The following NTRK3 variants were observed in gnomAD, a reference collection of about 807,000 sequenced individuals.
The protein encoded by NTRK3 is NT-3 growth factor receptor.
Under a neutral mutation model 91.7 loss-of-function variants are expected in NTRK3, and 24 were observed. The ratio of observed to expected loss-of-function variants is 0.26; its 90% confidence interval spans 0.19 to 0.37. NTRK3 has a LOEUF of 0.37. Ranked by LOEUF, NTRK3 falls within the 10% of genes least tolerant of loss-of-function variation. The pLI is 1.00. For missense variants in NTRK3, 880 were observed against 1,068.9 expected (o/e 0.82, Z 2.46); for synonymous variants, 483 against 404.0 (o/e 1.20, Z -2.34).
At chr15:88,127,255 AC>A in intron 11 of NTRK3, 29 bp from the exon 12 acceptor site, 1 of 1,601,640 alleles carries the variant, frequency 6.2e-7, no homozygotes, top group Non-Finnish European at 8.6e-7. Context: ...AAGGAGGAGG[AC>A]AGTTAGCTTC....
rs114043514 is a variant in NTRK3, at chr15:87,961,242, T to C, written c.1586-20489A>G. On this transcript the variant is annotated intron_variant, in intron 14 of 18. Transcript: ENST00000394480. ...TTCCCTGTGCACAGCCATCTCCCTC[T>C]GAATCACAGACCAGGTTTGAATCCA... Among the ~76,000 whole-genome samples, 380 of 152,328 alleles carry C rather than the reference T, an allele frequency of 2.5e-3. 2 individuals are homozygous for C. Among genetic ancestry groups the C allele is most frequent in the Middle Eastern group, 0.01 (3 of 294 alleles).
chr15:87,889,814 G>A (rs1185732549), intron 17 of NTRK3, among the ~76,000 whole-genome samples: 2 of 152,064 alleles, frequency 1.3e-5, no homozygotes, highest in Admixed American at 6.6e-5. Context: ...ATACCATTCA[G>A]TGTCAAAAGT....
At chr15:88,121,885 T>G (rs2052747134) in intron 13 of NTRK3, among the ~76,000 whole-genome samples, 1 of 152,214 alleles carries the variant, frequency 6.6e-6, no homozygotes, top group African/African-American at 2.4e-5. Flanking sequence ...ACCTTTGTGA[T>G]TCCAAAAGAA....
chr15:87,916,522 G>A (rs188662012), intron 17 of NTRK3: 78 of 702,108 alleles, frequency 1.1e-4, no homozygotes, highest in African/African-American at 3.8e-4. Context: ...CATCTTCCCC[G>A]TCTTTTTTCC....
intron 17 of NTRK3, among the ~76,000 whole-genome samples, chr15:87,897,257 G>A (rs1276549813): frequency 6.6e-6 from 1 of 152,114 alleles, no homozygotes; most frequent in Non-Finnish European, 1.5e-5. Context: ...GAAGCCCCAG[G>A]AACACATGCC....
At chr15:88,133,218 C>A (rs1436892914) in intron 10 of NTRK3, among the ~76,000 whole-genome samples, 1 of 152,128 alleles carries the variant, frequency 6.6e-6, no homozygotes, top group Non-Finnish European at 1.5e-5. Context: ...TATCCAGAGA[C>A]TAACAGAAGG....
At chr15:88,207,837 A>G (rs1254053112) in intron 3 of NTRK3, among the ~76,000 whole-genome samples, 1 of 152,214 alleles carries the variant, frequency 6.6e-6, no homozygotes, top group East Asian at 1.9e-4. Flanking sequence ...ATGCAATCAG[A>G]TGTGCAAAGA....
intron 14 of NTRK3, among the ~76,000 whole-genome samples, chr15:87,997,093 C>G (rs1259924233): frequency 6.6e-6 from 1 of 152,202 alleles, no homozygotes; most frequent in Non-Finnish European, 1.5e-5. Context: ...ACTTCCAGTT[C>G]TGCCATTAGG....
chr15:87,987,146 C>T (rs1307870686), intron 14 of NTRK3, among the ~76,000 whole-genome samples: 2 of 152,222 alleles, frequency 1.3e-5, no homozygotes. Context: ...GATTTCTACG[C>T]ACAAAAACAT....
chr15:88,111,750 A>G lies in NTRK3; in HGVS notation c.1396+14521T>C, dbSNP rs899453898. ...GAATCTCAGTTTTCTCATGTGTGAA[A>G]AACAGAATGATAATATCGATTTAAA... On this transcript the variant is annotated intron_variant, in intron 13 of 18. Coordinates refer to ENST00000394480, the Ensembl canonical transcript of NTRK3. 2.0e-5 allele frequency among the ~76,000 whole-genome samples: 3 copies of G among 152,200 alleles called. No homozygotes were observed. The South Asian group carries it at 6.2e-4, about 32-fold the overall frequency.
chr15:88,172,061 G>A (rs935313943), intron 5 of NTRK3, among the ~76,000 whole-genome samples: 18 of 152,210 alleles, frequency 1.2e-4, no homozygotes, highest in Non-Finnish European at 2.1e-4. Flanking sequence ...TACTCCATCT[G>A]GGAGACCCAG....
intron 17 of NTRK3, chr15:87,927,306 T>C (rs903858310): frequency 6.6e-6 from 1 of 152,184 alleles, no homozygotes; most frequent in Non-Finnish European, 1.5e-5. Context: ...TCTCAAACAT[T>C]CCATTTTTCT....
At chr15:87,872,986 C>A (rs2064862264) in exon 19 of NTRK3, 1 of 233,018 alleles carries the variant, frequency 4.3e-6, no homozygotes. Flanking sequence ...TTTCACCCTG[C>A]CACTTTTCTA....
chr15:88,013,694 A>G (rs530452594), intron 14 of NTRK3, among the ~76,000 whole-genome samples: 1 of 152,334 alleles, frequency 6.6e-6, no homozygotes, highest in Non-Finnish European at 1.5e-5. Context: ...ATCATGTACA[A>G]AAAATCCTGT....
chr15:87,877,526 CT>C (rs1199058422), intron 18 of NTRK3, among the ~76,000 whole-genome samples: 1 of 152,140 alleles, frequency 6.6e-6, no homozygotes, highest in Non-Finnish European at 1.5e-5. Context: ...GCCTGCCTCA[CT>C]TTGAAACTGC....
At chr15:88,111,853 G>C (rs2051395926) in intron 13 of NTRK3, among the ~76,000 whole-genome samples, 1 of 151,676 alleles carries the variant, frequency 6.6e-6, no homozygotes, top group Non-Finnish European at 1.5e-5. Context: ...TGGTTGAGCA[G>C]TGTGTTCTGG....
At chr15:88,217,661 T>C (rs2049899878) in intron 3 of NTRK3, among the ~76,000 whole-genome samples, 2 of 152,208 alleles carry the variant, frequency 1.3e-5, no homozygotes. Flanking sequence ...TGAAAAGAGT[T>C]TGGGAGACCA....
chr15:88,189,069 T>C (rs1435307055), intron 3 of NTRK3, among the ~76,000 whole-genome samples: 2 of 152,172 alleles, frequency 1.3e-5, no homozygotes, highest in Admixed American at 6.5e-5. Flanking sequence ...CATGATGACA[T>C]TGACCTCCAG....
chr15:88,124,031 G>C (rs923412486), intron 13 of NTRK3, among the ~76,000 whole-genome samples: 1 of 152,158 alleles, frequency 6.6e-6, no homozygotes, highest in Non-Finnish European at 1.5e-5. Flanking sequence ...GTTGAGAAGA[G>C]GGATGCATTC....
Sources: allele counts gnomAD v4.1 joint callset (sites outside exome capture counted in the v4.1 genomes callset), GRCh38; gene constraint gnomAD v4.1.1; transcripts MANE v1.5; gene names NCBI Gene and HGNC (gene_info 2026-07-23, HGNC 2026-07-21).